AKAP19: variants seen among roughly 807,000 people sequenced by gnomAD.
AKAP19 encodes the protein small A-kinase anchoring protein.
chr2:189,974,644 C>G, the AKAP19 span, among the ~76,000 whole-genome samples: 1 of 152,146 alleles, frequency 6.6e-6, no homozygotes, highest in Non-Finnish European at 1.5e-5. Context: ...TCTCTAAGGA[C>G]TTGCTTTATG....
chr2:190,161,312 G>A, the AKAP19 span, among the ~76,000 whole-genome samples: 1 of 152,120 alleles, frequency 6.6e-6, no homozygotes, highest in Non-Finnish European at 1.5e-5. Context: ...GGATGGTCCA[G>A]TAGGCCTGAA....
the AKAP19 span, among the ~76,000 whole-genome samples, chr2:190,139,070 A>C: frequency 0.91 from 138,752 of 152,244 alleles, 64,134 homozygotes; most frequent in East Asian, 1. Context: ...TCCTACTCTC[A>C]TGAAGCTTGT....
chr2:190,160,476 G>C, the AKAP19 span, among the ~76,000 whole-genome samples: 1 of 152,016 alleles, frequency 6.6e-6, no homozygotes, highest in Non-Finnish European at 1.5e-5. Flanking sequence ...GCTTATCTGT[G>C]CTAAAAGGGT....
At chr2:190,062,362 G>T in the AKAP19 span, 1 of 1,613,262 alleles carries the variant, frequency 6.2e-7, no homozygotes, top group Admixed American at 1.7e-5. Flanking sequence ...GGTAAAAGTT[G>T]TCTTATAACA....
chr2:190,055,163 T>C, the AKAP19 span, among the ~76,000 whole-genome samples: 1 of 151,770 alleles, frequency 6.6e-6, no homozygotes, highest in Non-Finnish European at 1.5e-5. Flanking sequence ...AAATGATGAG[T>C]TCATGTCCTT....
chr2:189,900,430 T>G, the AKAP19 span, among the ~76,000 whole-genome samples: 3 of 152,178 alleles, frequency 2.0e-5, no homozygotes, highest in Non-Finnish European at 4.4e-5. Flanking sequence ...GGAGATTTTC[T>G]TGCACCTTTG....
At chr2:190,062,728 CT>C in the AKAP19 span, 1 of 790,502 alleles carries the variant, frequency 1.3e-6, no homozygotes, top group Non-Finnish European at 2.0e-6. Flanking sequence ...ACCAGTGAAT[CT>C]TTTATACTGT....
the AKAP19 span, among the ~76,000 whole-genome samples, chr2:190,136,892 C>T: frequency 6.6e-6 from 1 of 152,126 alleles, no homozygotes; most frequent in African/African-American, 2.4e-5. Context: ...AATTATGACT[C>T]TAAGATTTTA....
At chr2:190,004,604 CA>C in the AKAP19 span, among the ~76,000 whole-genome samples, 1 of 149,344 alleles carries the variant, frequency 6.7e-6, no homozygotes, top group Non-Finnish European at 1.5e-5. Context: ...TTGAGAGCAA[CA>C]TGTTTTTCAC....
At chr2:190,078,547 A>G in the AKAP19 span, among the ~76,000 whole-genome samples, 1 of 152,202 alleles carries the variant, frequency 6.6e-6, no homozygotes, top group South Asian at 2.1e-4. Flanking sequence ...AAAGAAATAT[A>G]TATTTCTGAT....
At chr2:190,198,788 G>T in the AKAP19 span, among the ~76,000 whole-genome samples, 1 of 152,072 alleles carries the variant, frequency 6.6e-6, no homozygotes, top group African/African-American at 2.4e-5. Flanking sequence ...TCTTTAAAAT[G>T]AAGCTGTCTT....
At chr2:190,026,331 G>A in the AKAP19 span, among the ~76,000 whole-genome samples, 1 of 152,094 alleles carries the variant, frequency 6.6e-6, no homozygotes, top group African/African-American at 2.4e-5. Context: ...AGAAAATTTG[G>A]CATCTCCTAC....
chr2:190,084,868 G>C, the AKAP19 span, among the ~76,000 whole-genome samples: 1 of 152,280 alleles, frequency 6.6e-6, no homozygotes, highest in Non-Finnish European at 1.5e-5. Flanking sequence ...TCTGGGGACA[G>C]ATGGAGGGAA....
At chr2:190,150,778 T>C in the AKAP19 span, among the ~76,000 whole-genome samples, 1 of 151,942 alleles carries the variant, frequency 6.6e-6, no homozygotes, top group East Asian at 1.9e-4. Context: ...TTTTTTTTTT[T>C]TTCATTATTC....
At chr2:189,983,039 G>A in the AKAP19 span, among the ~76,000 whole-genome samples, 1 of 152,112 alleles carries the variant, frequency 6.6e-6, no homozygotes, top group African/African-American at 2.4e-5. Context: ...AATGTTGAGT[G>A]GAAGCACCCA....
chr2:189,959,056 CA>C, the AKAP19 span, among the ~76,000 whole-genome samples: 1 of 151,722 alleles, frequency 6.6e-6, no homozygotes, highest in Non-Finnish European at 1.5e-5. Flanking sequence ...CACAGGACTT[CA>C]ATTGTGATGT....
At chr2:189,930,095 A>C in the AKAP19 span, among the ~76,000 whole-genome samples, 1 of 152,116 alleles carries the variant, frequency 6.6e-6, no homozygotes, top group Non-Finnish European at 1.5e-5. Context: ...TTTTCTCTCT[A>C]AGTTTTGAAA....
chr2:190,141,805 C>T, the AKAP19 span, among the ~76,000 whole-genome samples: 5 of 152,274 alleles, frequency 3.3e-5, no homozygotes, highest in East Asian at 7.7e-4. Flanking sequence ...TTATGATACC[C>T]GGTTTTTGAG....
At chr2:189,995,602 G>T in the AKAP19 span, among the ~76,000 whole-genome samples, 1 of 151,686 alleles carries the variant, frequency 6.6e-6, no homozygotes, top group African/African-American at 2.4e-5. Context: ...GAACTTTTAG[G>T]CCATTTACAC....
Sources: gnomAD v4.1 joint callset for allele counts (sites outside exome capture counted in the v4.1 genomes callset) on GRCh38, gnomAD v4.1.1 for gene constraint, MANE v1.5 for transcripts, NCBI Gene and HGNC (gene_info 2026-07-23, HGNC 2026-07-21) for gene names.